The following PIGL variants were observed in gnomAD, a reference collection of about 807,000 sequenced individuals.
The protein encoded by PIGL is N-acetylglucosaminyl-phosphatidylinositol de-N-acetylase.
PIGL carries 22 observed loss-of-function variants against 31.1 expected under a neutral mutation model. That is an observed-to-expected ratio of 0.71 (90% CI 0.51 to 1.01). The LOEUF (loss-of-function observed/expected upper bound fraction) is 1.01, where lower values mean the gene tolerates loss of function less well. Ranked by LOEUF, PIGL falls within the 50% of genes least tolerant of loss-of-function variation. The pLI is 0.00. For synonymous variants in PIGL, 131 were observed against 117.4 expected (o/e 1.12, Z -0.75); for missense variants, 302 against 315.9 (o/e 0.96, Z 0.33).
intron 3 of PIGL, among the ~76,000 whole-genome samples, chr17:16,305,844 T>G (rs2093023944): frequency 6.6e-6 from 1 of 152,198 alleles, no homozygotes. Flanking sequence ...AATGCAGTGG[T>G]GCTATCATAG....
chr17:16,314,725 A>C (rs2093068520), intron 4 of PIGL, among the ~76,000 whole-genome samples: 1 of 152,184 alleles, frequency 6.6e-6, no homozygotes, highest in African/African-American at 2.4e-5. Flanking sequence ...TCCTAGTCGC[A>C]TTAGGTCCCT....
chr17:16,323,073 A>C (rs974706853), intron 6 of PIGL, among the ~76,000 whole-genome samples: 1 of 152,216 alleles, frequency 6.6e-6, no homozygotes, highest in Non-Finnish European at 1.5e-5. Flanking sequence ...ACAAGGTTAT[A>C]TATTGACTGA....
intron 6 of PIGL, 33 bp downstream of exon 6, chr17:16,317,941 C>G: frequency 6.6e-7 from 1 of 1,507,550 alleles, no homozygotes; most frequent in Non-Finnish European, 8.8e-7. Flanking sequence ...CACCCCAACT[C>G]AGATCCCTGC....
intron 2 of PIGL, among the ~76,000 whole-genome samples, chr17:16,268,908 G>T (rs568158682): frequency 1.3e-5 from 2 of 151,948 alleles, no homozygotes; most frequent in African/African-American, 4.8e-5. Flanking sequence ...GACTACAGGC[G>T]CGTGCCACCA....
chr17:16,311,080 AC>A (rs2093047322), intron 3 of PIGL, among the ~76,000 whole-genome samples: 1 of 152,080 alleles, frequency 6.6e-6, no homozygotes, highest in Non-Finnish European at 1.5e-5. Context: ...AAATAGAAAG[AC>A]CAAGAGCGAA....
intron 2 of PIGL, among the ~76,000 whole-genome samples, chr17:16,288,644 ATCC>A (rs1321734988): frequency 6.6e-6 from 1 of 151,666 alleles, no homozygotes; most frequent in Non-Finnish European, 1.5e-5. Flanking sequence ...GGTTCAAGCA[ATCC>A]TCCTGCCTCA....
intron 2 of PIGL, among the ~76,000 whole-genome samples, chr17:16,279,401 A>T (rs1037540181): frequency 7.2e-5 from 11 of 152,242 alleles, no homozygotes; most frequent in African/African-American, 2.7e-4. Flanking sequence ...ACTTGTTGGC[A>T]TCAAAGGACT....
rs2093064291 is a variant in PIGL, at chr17:16,313,629, G to A, written c.494+15G>A. Reference sequence around the variant, plus strand: ...GCAGCTGTGAGGTATGATTCTCCGGGTGATGGATGTGGGGGAGGGTTTGTT... The same window carrying A: ...GCAGCTGTGAGGTATGATTCTCCGGATGATGGATGTGGGGGAGGGTTTGTT... On this transcript the variant is annotated intron_variant, in intron 4 of 6. Coordinates refer to ENST00000225609, the MANE Select transcript of PIGL (RefSeq NM_004278.4). 1.3e-6 allele frequency: 2 copies of A among 1,593,108 alleles called. No homozygotes were observed. The highest frequency in any genetic ancestry group is 1.7e-5 in the Admixed American group (1 of 59,992).
At chr17:16,304,672 T>C (rs2093019404) in intron 3 of PIGL, among the ~76,000 whole-genome samples, 1 of 151,470 alleles carries the variant, frequency 6.6e-6, no homozygotes, top group South Asian at 2.1e-4. Context: ...CCTAGGGGGG[T>C]AGTAGTGTCT....
chr17:16,227,578 C>CTTTTTTTTTTT (rs57452229), intron 1 of PIGL, among the ~76,000 whole-genome samples: 1 of 103,196 alleles, frequency 9.7e-6, no homozygotes, highest in African/African-American at 3.9e-5. Context: ...ATTTTCTTTT[C>CTTTTTTTTTTT]TTTTTTTTTT....
At chr17:16,266,823 T>C (rs2092845676) in intron 2 of PIGL, among the ~76,000 whole-genome samples, 1 of 146,232 alleles carries the variant, frequency 6.8e-6, no homozygotes, top group Non-Finnish European at 1.5e-5. Flanking sequence ...GGTCTCGATC[T>C]CCTGACCTCG....
intron 2 of PIGL, among the ~76,000 whole-genome samples, chr17:16,236,740 A>G (rs11652044): frequency 0.48 from 72,102 of 151,178 alleles, 17,521 homozygotes; most frequent in Middle Eastern, 0.57. Context: ...GCTAATTTTT[A>G]TATTTTTAGT....
chr17:16,251,029 G>A lies in PIGL; in HGVS notation c.335+16959G>A, dbSNP rs1600777493. 2.0e-5 allele frequency among the ~76,000 whole-genome samples: 3 copies of A among 152,308 alleles called. 1 individual carries two copies. The South Asian group carries it at 6.2e-4, about 32-fold the overall frequency. ...CAGAGAGATTAAGAGAATCTTTGTG[G>A]TCACACGTTTAATAAATGACAATGT... is the stretch of plus-strand genomic sequence containing the variant. On this transcript the variant is annotated intron_variant, in intron 2 of 6. Coordinates refer to ENST00000225609, the MANE Select transcript of PIGL (RefSeq NM_004278.4).
At chr17:16,267,935 G>A (rs944112332) in intron 2 of PIGL, among the ~76,000 whole-genome samples, 13 of 152,086 alleles carry the variant, frequency 8.5e-5, no homozygotes, top group Admixed American at 6.6e-4. Flanking sequence ...TCTACTCCAG[G>A]CAAGAGCAGA....
chr17:16,264,518 C>A (rs930373297), intron 2 of PIGL, among the ~76,000 whole-genome samples: 3 of 152,080 alleles, frequency 2.0e-5, no homozygotes, highest in African/African-American at 4.8e-5. Flanking sequence ...CTTTGAAATG[C>A]CTCACCTAGA....
chr17:16,256,677 GTTTGT>G (rs1207157106), intron 2 of PIGL, among the ~76,000 whole-genome samples: 1 of 135,612 alleles, frequency 7.4e-6, no homozygotes, highest in Non-Finnish European at 1.6e-5. Context: ...GTTGTTTTTT[GTTTGT>G]TTTGTTTTTT....
intron 2 of PIGL, among the ~76,000 whole-genome samples, chr17:16,267,743 G>A (rs1041016122): frequency 1.3e-5 from 2 of 151,766 alleles, no homozygotes; most frequent in African/African-American, 2.4e-5. Flanking sequence ...AAATTAACCC[G>A]AATTTGTGGT....
rs1449698020 is a variant in PIGL, at chr17:16,217,449, T to C, written c.223T>C (p.Cys75Arg). 6.2e-7 allele frequency: 1 copy of C among 1,613,092 alleles called. No individual in the cohort carries two copies. Among genetic ancestry groups the C allele is most frequent in the Non-Finnish European group, 8.5e-7 (1 of 1,179,148 alleles). ...CCTAAGGCACTGGGTGTACCTGCTT[T>C]GCTTCTCTGCAGGTAGGAGGCCATA... The part of the protein sequence containing the change: ...ARLRHWVYLL[C>R]FSAGNYYNQG... The change falls in exon 1 of 7, where the codon TGC (cysteine) becomes CGC (arginine). Residue 75 changes from cysteine to arginine, a missense_variant. Physicochemically the swap from Cys to Arg is radical, Grantham distance 180 (BLOSUM62 -3). Coordinates refer to ENST00000225609, the MANE Select transcript of PIGL (RefSeq NM_004278.4).
Position 16,268,479 on chromosome 17 carries a change from G to A in PIGL, c.336-31409G>A, listed in dbSNP as rs143492836. ...TTTGTTTTTCTTGAGATGAAGTCTC[G>A]CTCTTGTTGCCCAGACTGGACTGCA... On this transcript the variant is annotated intron_variant, in intron 2 of 6. Transcript: ENST00000225609. 1.8e-4 allele frequency among the ~76,000 whole-genome samples: 28 copies of A among 152,164 alleles called. 1 individual carries two copies. Among genetic ancestry groups the A allele is most frequent in the African/African-American group, 5.5e-4 (23 of 41,514 alleles).
Sources: gnomAD v4.1 joint callset for allele counts (sites outside exome capture counted in the v4.1 genomes callset) on GRCh38, gnomAD v4.1.1 for gene constraint, MANE v1.5 for transcripts, NCBI Gene and HGNC (gene_info 2026-07-23, HGNC 2026-07-21) for gene names.